EIF5B: variants seen among roughly 807,000 people sequenced by gnomAD.
EIF5B encodes eIF-5B.
A neutral mutation model predicts 147.5 loss-of-function variants in EIF5B; 47 were observed. The ratio of observed to expected loss-of-function variants is 0.32; its 90% CI spans 0.25 to 0.41. The LOEUF is 0.41. EIF5B is among the 10% of genes least tolerant of loss of function. The pLI is 1.00. For missense variants in EIF5B, 1,064 were observed against 1,413.2 expected (o/e 0.75, Z 3.96); for synonymous variants, 455 against 456.2 (o/e 1.00, Z 0.03).
At chr2:99,346,113 C>A (rs181611200) in intron 1 of EIF5B, among the ~76,000 whole-genome samples, 10 of 152,176 alleles carry the variant, frequency 6.6e-5, no homozygotes, top group Admixed American at 2.6e-4. Context: ...TTCACATTTG[C>A]CTCTTAAAGT....
chr2:99,367,735 G>A (rs4850903), intron 6 of EIF5B, among the ~76,000 whole-genome samples: 57,895 of 151,974 alleles, frequency 0.38, 11,838 homozygotes, highest in East Asian at 0.63. Context: ...GATTACAGGC[G>A]TGAGCCATTG....
Position 99,382,790 on chromosome 2 carries a change from A to T in EIF5B, c.2140A>T (p.Asn714Tyr). ...PGHESFSNLR[N>Y]RGSSLCDIAI... is the part of the protein sequence containing the mutation. ...CCTTCTTTTCAACAGTAATCTGAGA[A>T]ATAGAGGAAGCTCTCTTTGTGACAT... is the stretch of plus-strand genomic sequence containing the variant. The change falls in exon 14 of 24, where the codon AAT (asparagine) becomes TAT (tyrosine). Residue 714 changes from asparagine (N) to tyrosine (Y), a missense_variant. Asn to Tyr is a moderately radical substitution (Grantham distance 143). Transcript: ENST00000289371. The T allele has an allele frequency of 6.2e-7, 1 of 1,602,130 alleles. No individual in the cohort carries two copies. Among genetic ancestry groups the T allele is most frequent in the Non-Finnish European group, 8.5e-7 (1 of 1,177,064 alleles).
intron 3 of EIF5B, 31 bp downstream of exon 3, chr2:99,360,580 A>G (rs764929776): frequency 1.3e-6 from 2 of 1,597,488 alleles, no homozygotes; most frequent in South Asian, 1.1e-5. Flanking sequence ...ACCTATTCGT[A>G]TTTCGTATTC....
rs1339149179 is a variant in EIF5B, at chr2:99,394,846, A to C, written c.3217A>C (p.Arg1073=). The C allele has an allele frequency of 6.2e-7, 1 of 1,600,436 alleles. No individual in the cohort carries two copies. The highest frequency in any genetic ancestry group is 1.1e-5 in the South Asian group (1 of 88,502). Residue 1073 remains arginine, a synonymous_variant, in exon 21 of 24, where the codon AGA becomes CGA. Transcript: ENST00000289371. ...TTTATTTGATGCCTTTACAAAATAT[A>C]GACAAGACTACAAGAAACAGAAACA... The part of the protein sequence containing the change: ...YHLFDAFTKY[R]QDYKKQKQEE...
chr2:99,346,168 A>G (rs2094272988), intron 1 of EIF5B, among the ~76,000 whole-genome samples: 1 of 152,174 alleles, frequency 6.6e-6, no homozygotes, highest in Non-Finnish European at 1.5e-5. Context: ...TAAGTTTGCC[A>G]TCAAGAGAGC....
At chr2:99,384,518 G>T (rs1014111028) in intron 14 of EIF5B, among the ~76,000 whole-genome samples, 8 of 152,176 alleles carry the variant, frequency 5.3e-5, no homozygotes, top group Admixed American at 6.5e-5. Context: ...ATTTTATACG[G>T]CTATAGCTGC....
intron 1 of EIF5B, chr2:99,338,381 G>C (rs2094249398): frequency 7.8e-7 from 1 of 1,277,592 alleles, no homozygotes; most frequent in Non-Finnish European, 1.0e-6. Context: ...ATGATGGAAA[G>C]AGTTGACTTC....
intron 14 of EIF5B, 100 bp downstream of exon 14, chr2:99,383,021 T>G: frequency 8.5e-7 from 1 of 1,176,548 alleles, no homozygotes; most frequent in Non-Finnish European, 1.2e-6. Context: ...TAGCTCATTT[T>G]ATTGTGCTTC....
chr2:99,399,466 T>C lies in EIF5B; in HGVS notation c.*52T>C. On this transcript the variant is annotated 3_prime_UTR_variant, in exon 24 of 24. Coordinates refer to ENST00000289371, the MANE Select transcript of EIF5B (RefSeq NM_015904.4). ...GTAAATGCAATACTGTGTTGTAATA[T>C]CCCAACAAAAATCAGACAAAAAATG... 1.3e-6 allele frequency: 2 copies of C among 1,540,312 alleles called. No homozygotes were observed. The highest frequency in any genetic ancestry group is 8.9e-7 in the Non-Finnish European group (1 of 1,117,858).
At chr2:99,338,993 A>T (rs1348160742) in intron 1 of EIF5B, among the ~76,000 whole-genome samples, 1 of 132,726 alleles carries the variant, frequency 7.5e-6, no homozygotes, top group Non-Finnish European at 1.6e-5. Context: ...TATATACACA[A>T]ATATATATAT....
At chr2:99,383,740 T>C (rs1674738308) in intron 14 of EIF5B, among the ~76,000 whole-genome samples, 1 of 152,044 alleles carries the variant, frequency 6.6e-6, no homozygotes, top group Non-Finnish European at 1.5e-5. Context: ...TGAAGATGGC[T>C]ACACTAAACA....
intron 1 of EIF5B, among the ~76,000 whole-genome samples, chr2:99,345,699 C>G (rs1167679509): frequency 6.6e-6 from 1 of 151,636 alleles, no homozygotes; most frequent in African/African-American, 2.4e-5. Context: ...AATCCCAGCA[C>G]TTTGGGAGGC....
Position 99,353,005 on chromosome 2 carries a change from C to CTTTTTTTTTTTTT in EIF5B, c.36-7216_36-7204dup, listed in dbSNP as rs529053292. On this transcript the variant is annotated intron_variant, in intron 1 of 23. Coordinates refer to ENST00000289371, the MANE Select transcript of EIF5B (RefSeq NM_015904.4). ...GCCTGGCTAATTTTTTCTTCTTCTT[C>CTTTTTTTTTTTTT]TTTTTTTTTTTTTTTTTTTTTTTTT... Among the ~76,000 whole-genome samples, 433 of 62,840 alleles carry CTTTTTTTTTTTTT rather than the reference C, an allele frequency of 6.9e-3. 51 individuals are homozygous for CTTTTTTTTTTTTT. The highest frequency in any genetic ancestry group is 0.016 in the East Asian group (27 of 1,644). The allele number at this position is 62,840 out of a possible 152,430, so 41.2% of individuals were successfully genotyped here. A position where few individuals can be genotyped will look rare whatever the true frequency, so the allele number is the denominator to read the frequency against.
intron 14 of EIF5B, among the ~76,000 whole-genome samples, chr2:99,389,126 C>A (rs993468817): frequency 6.6e-6 from 1 of 152,076 alleles, no homozygotes; most frequent in African/African-American, 2.4e-5. Flanking sequence ...TCGTCTGATT[C>A]TTTATTTTGT....
intron 1 of EIF5B, among the ~76,000 whole-genome samples, chr2:99,345,485 T>C (rs749887609): frequency 6.6e-6 from 1 of 151,480 alleles, no homozygotes; most frequent in East Asian, 1.9e-4. Context: ...TCCCAGCTAC[T>C]TGGGAGGCTG....
chr2:99,371,530 A>C (rs1175626370), intron 8 of EIF5B, 126 bp from the exon 9 acceptor site: 12 of 675,752 alleles, frequency 1.8e-5, no homozygotes, highest in Admixed American at 3.0e-5. Context: ...TAATAGCTGC[A>C]TACATATTTT....
At chr2:99,360,638 T>C (rs752013613) in intron 3 of EIF5B, 89 bp downstream of exon 3, 25 of 1,268,368 alleles carry the variant, frequency 2.0e-5, no homozygotes, top group Non-Finnish European at 2.7e-5. Flanking sequence ...TTGGAAACTT[T>C]TGAGCAGTGT....
chr2:99,371,580 A>G (rs1360538993), intron 8 of EIF5B, 76 bp from the exon 9 acceptor site: 1 of 1,235,940 alleles, frequency 8.1e-7, no homozygotes. Flanking sequence ...TCAGAGCATA[A>G]TTTTTTACTT....
intron 4 of EIF5B, among the ~76,000 whole-genome samples, chr2:99,362,692 C>G (rs1319417937): frequency 6.6e-6 from 1 of 152,106 alleles, no homozygotes; most frequent in East Asian, 1.9e-4. Context: ...GACTGAGACT[C>G]TGTCTCAAAA....
Sources: gnomAD v4.1 joint callset for allele counts (sites outside exome capture counted in the v4.1 genomes callset) on GRCh38, gnomAD v4.1.1 for gene constraint, MANE v1.5 for transcripts, NCBI Gene and HGNC (gene_info 2026-07-23, HGNC 2026-07-21) for gene names.